Variants in LDLRAD3 observed in about 807,000 individuals in gnomAD.
LDLRAD3 encodes low-density lipoprotein receptor class A domain-containing protein 3.
A neutral mutation model predicts 29.4 loss-of-function variants in LDLRAD3; 20 were observed. The observed-to-expected ratio is 0.68, with a 90% CI of 0.48 to 0.99. The LOEUF is 0.99. Ranked by LOEUF, LDLRAD3 falls within the 50% of genes least tolerant of loss-of-function variation. LDLRAD3 has a pLI of 0.00. For synonymous variants in LDLRAD3, 157 were observed against 192.7 expected (o/e 0.81, Z 1.53); for missense variants, 420 against 454.3 (o/e 0.92, Z 0.69).
intron 1 of LDLRAD3, among the ~76,000 whole-genome samples, chr11:36,016,265 G>A (rs1852021030): frequency 6.6e-6 from 1 of 152,186 alleles, no homozygotes; most frequent in Non-Finnish European, 1.5e-5. Flanking sequence ...CATTTTCTAT[G>A]CTAACTCATT....
chr11:36,114,054 G>A (rs994383333), intron 4 of LDLRAD3, among the ~76,000 whole-genome samples: 1 of 152,182 alleles, frequency 6.6e-6, no homozygotes, highest in East Asian at 1.9e-4. Context: ...GATTGGATGG[G>A]TACTGGGGAT....
intron 3 of LDLRAD3, among the ~76,000 whole-genome samples, chr11:36,086,120 A>G (rs1027278058): frequency 1.3e-5 from 2 of 151,998 alleles, no homozygotes; most frequent in African/African-American, 2.4e-5. Context: ...TTTTCTTTAT[A>G]TCTTTCTTTG....
At chr11:36,176,966 G>C (rs761589161) in intron 4 of LDLRAD3, among the ~76,000 whole-genome samples, 1 of 151,876 alleles carries the variant, frequency 6.6e-6, no homozygotes, top group Non-Finnish European at 1.5e-5. Flanking sequence ...TAGGTTTGGT[G>C]GTTTAACATA....
chr11:36,192,921 T>G (rs1854977120), intron 4 of LDLRAD3, among the ~76,000 whole-genome samples: 1 of 152,180 alleles, frequency 6.6e-6, no homozygotes, highest in South Asian at 2.1e-4. Context: ...ATCTGGACCT[T>G]GCTACTTACT....
intron 1 of LDLRAD3, among the ~76,000 whole-genome samples, chr11:35,948,437 C>T (rs1255449683): frequency 1.4e-5 from 2 of 147,300 alleles, no homozygotes; most frequent in African/African-American, 5.0e-5. Flanking sequence ...GTTGGCTGAT[C>T]GTGTGTGTGT....
At chr11:35,954,662 G>A (rs774593727) in intron 1 of LDLRAD3, among the ~76,000 whole-genome samples, 4 of 152,140 alleles carry the variant, frequency 2.6e-5, no homozygotes, top group African/African-American at 9.7e-5. Flanking sequence ...CTTCTCCTTC[G>A]CTGGAGTTTA....
intron 4 of LDLRAD3, among the ~76,000 whole-genome samples, chr11:36,216,750 C>G (rs1855358248): frequency 6.6e-6 from 1 of 152,100 alleles, no homozygotes. Context: ...CCTGTTTGAC[C>G]AAGGTACTCT....
At chr11:35,956,099 G>A (rs534653678) in intron 1 of LDLRAD3, among the ~76,000 whole-genome samples, 1 of 152,244 alleles carries the variant, frequency 6.6e-6, no homozygotes, top group South Asian at 2.1e-4. Flanking sequence ...GAGCAGCTTC[G>A]GGCCTCTCAT....
In LDLRAD3 at chr11:36,180,336, C is replaced by G. The variant is rs537355734; in HGVS notation, c.455-46749C>G. On this transcript the variant is annotated intron_variant, in intron 4 of 5. Transcript: ENST00000315571. ...ACACCTTTCTGTTGGGCCATTTACTCAACATACACTTGTTGAGTGTCTGCC... is the reference window on the plus strand; with the variant it reads ...ACACCTTTCTGTTGGGCCATTTACTGAACATACACTTGTTGAGTGTCTGCC... Among the ~76,000 whole-genome samples the G allele has an allele frequency of 1.2e-4, 19 of 152,248 alleles. No individual in the cohort carries two copies. The South Asian group carries it at 3.9e-3, about 32-fold the overall frequency.
At chr11:35,968,289 G>T in intron 1 of LDLRAD3, 1 of 382,824 alleles carries the variant, frequency 2.6e-6, no homozygotes, top group Non-Finnish European at 5.0e-6. Context: ...GGGAGGAGTG[G>T]ATGTGAGCAT....
chr11:36,027,201 G>A (rs1431938025), intron 1 of LDLRAD3, among the ~76,000 whole-genome samples: 1 of 152,218 alleles, frequency 6.6e-6, no homozygotes, highest in Admixed American at 6.5e-5. Context: ...CAAGTTGGGT[G>A]TAAAAGAGAG....
chr11:36,039,072 C>T (rs1349169472), intron 2 of LDLRAD3, among the ~76,000 whole-genome samples: 1 of 151,812 alleles, frequency 6.6e-6, no homozygotes, highest in East Asian at 1.9e-4. Context: ...CGGGTTCACG[C>T]CATTCTCTCG....
chr11:35,968,424 G>A (rs76921029), intron 1 of LDLRAD3: 5,599 of 370,896 alleles, frequency 0.015, 195 homozygotes, highest in East Asian at 0.095. Flanking sequence ...GGTTGGCCTG[G>A]TGTCTCAGGA....
At chr11:36,142,110 C>G (rs894397326) in intron 4 of LDLRAD3, among the ~76,000 whole-genome samples, 3 of 152,206 alleles carry the variant, frequency 2.0e-5, no homozygotes, top group Non-Finnish European at 4.4e-5. Flanking sequence ...GGGAAGCCAT[C>G]CAGCCATGGC....
At chr11:36,104,256 G>A (rs779665812) in intron 4 of LDLRAD3, among the ~76,000 whole-genome samples, 3 of 152,318 alleles carry the variant, frequency 2.0e-5, no homozygotes, top group Non-Finnish European at 4.4e-5. Flanking sequence ...CATGAGTGAG[G>A]TTGGAAGTGG....
intron 4 of LDLRAD3, among the ~76,000 whole-genome samples, chr11:36,216,044 C>T (rs1855348205): frequency 6.6e-6 from 1 of 152,226 alleles, no homozygotes; most frequent in Non-Finnish European, 1.5e-5. Flanking sequence ...ACAGTGGCAT[C>T]TCTCACTTCA....
At chr11:36,079,988 A>G (rs958882294) in intron 2 of LDLRAD3, among the ~76,000 whole-genome samples, 1 of 152,246 alleles carries the variant, frequency 6.6e-6, no homozygotes, top group Non-Finnish European at 1.5e-5. Flanking sequence ...GTACCATGAC[A>G]GAAGTTCCAA....
intron 2 of LDLRAD3, among the ~76,000 whole-genome samples, chr11:36,076,418 T>G (rs1481913452): frequency 6.6e-6 from 1 of 151,628 alleles, no homozygotes; most frequent in Non-Finnish European, 1.5e-5. Context: ...GATGAGTCTC[T>G]CTCTGTCGCC....
intron 3 of LDLRAD3, among the ~76,000 whole-genome samples, chr11:36,091,090 C>T (rs1240168744): frequency 6.6e-6 from 1 of 152,170 alleles, no homozygotes; most frequent in African/African-American, 2.4e-5. Flanking sequence ...AGTCTCAGTG[C>T]AGCCCCCTCT....
Sources: allele counts gnomAD v4.1 joint callset (sites outside exome capture counted in the v4.1 genomes callset), GRCh38; gene constraint gnomAD v4.1.1; transcripts MANE v1.5; gene names NCBI Gene and HGNC (gene_info 2026-07-23, HGNC 2026-07-21).